XKR4: variants seen among roughly 807,000 people sequenced by gnomAD.
XKR4 encodes the protein XK related 4.
In XKR4, 12 loss-of-function variants were observed where a neutral mutation model predicts 53.9. That is an observed-to-expected ratio of 0.22 (90% confidence interval 0.14 to 0.36). The LOEUF (loss-of-function observed/expected upper bound fraction) is 0.36. Ranked by LOEUF, XKR4 falls within the 10% of genes least tolerant of loss-of-function variation. The probability of loss-of-function intolerance (pLI) is 1.00; values close to 1 mark genes in which losing one functional copy is unlikely to be tolerated. For missense variants in XKR4, 799 were observed against 859.5 expected (o/e 0.93, Z 0.88); for synonymous variants, 354 against 362.4 (o/e 0.98, Z 0.26).
intron 1 of XKR4, among the ~76,000 whole-genome samples, chr8:55,183,490 A>T (rs1420913746): frequency 6.6e-6 from 1 of 152,006 alleles, no homozygotes. Context: ...TTCCTCATTG[A>T]TCCATGGGTT....
chr8:55,119,917 C>T (rs1816368262), intron 1 of XKR4, among the ~76,000 whole-genome samples: 1 of 152,050 alleles, frequency 6.6e-6, no homozygotes, highest in Non-Finnish European at 1.5e-5. Flanking sequence ...GAGTTGGGAG[C>T]ATGTTAAATA....
chr8:55,125,596 G>A (rs1306385224), intron 1 of XKR4, among the ~76,000 whole-genome samples: 1 of 152,112 alleles, frequency 6.6e-6, no homozygotes, highest in Admixed American at 6.5e-5. Context: ...TACAAAATAA[G>A]TAAAGGAAAA....
intron 1 of XKR4, among the ~76,000 whole-genome samples, chr8:55,103,851 G>GTGTGTATATATA (rs1187141027): frequency 9.4e-6 from 1 of 106,012 alleles, no homozygotes; most frequent in African/African-American, 3.5e-5. Flanking sequence ...AAATGACTTT[G>GTGTGTATATATA]TATATATATA....
At chr8:55,507,415 TATGTATAC>T (rs1806553475) in intron 2 of XKR4, among the ~76,000 whole-genome samples, 1 of 152,180 alleles carries the variant, frequency 6.6e-6, no homozygotes, top group East Asian at 1.9e-4. Context: ...GTTAGTTACA[TATGTATAC>T]ATGTGCCATG....
At chr8:55,218,630 C>A (rs996804831) in intron 1 of XKR4, among the ~76,000 whole-genome samples, 1 of 152,084 alleles carries the variant, frequency 6.6e-6, no homozygotes, top group Non-Finnish European at 1.5e-5. Flanking sequence ...TAAAATAGTT[C>A]CAATGTGTAT....
At chr8:55,471,500 G>A (rs1805881745) in intron 2 of XKR4, among the ~76,000 whole-genome samples, 2 of 152,186 alleles carry the variant, frequency 1.3e-5, no homozygotes, top group South Asian at 4.1e-4. Context: ...GCCCTCCCAG[G>A]GATTCTGGTG....
At chr8:55,477,435 A>G (rs531028722) in intron 2 of XKR4, among the ~76,000 whole-genome samples, 2 of 152,274 alleles carry the variant, frequency 1.3e-5, no homozygotes, top group African/African-American at 4.8e-5. Context: ...CCAAAAGTAG[A>G]TAAAACCACA....
intron 1 of XKR4, among the ~76,000 whole-genome samples, chr8:55,213,881 T>TA (rs1817764969): frequency 7.7e-5 from 10 of 129,904 alleles, no homozygotes; most frequent in Admixed American, 4.7e-4. Context: ...TTTTTTTTTT[T>TA]TTGAGACGAG....
At chr8:55,261,966 G>T (rs1818533450) in intron 1 of XKR4, among the ~76,000 whole-genome samples, 1 of 151,984 alleles carries the variant, frequency 6.6e-6, no homozygotes, top group Non-Finnish European at 1.5e-5. Flanking sequence ...AAGAGAGATG[G>T]TTATTAATCT....
intron 1 of XKR4, among the ~76,000 whole-genome samples, chr8:55,135,974 A>G (rs1214134453): frequency 6.6e-6 from 1 of 151,058 alleles, no homozygotes; most frequent in Non-Finnish European, 1.5e-5. Context: ...GCTCACTGCA[A>G]CCTCCGCCTC....
chr8:55,431,801 C>A (rs969213444), intron 2 of XKR4, among the ~76,000 whole-genome samples: 2 of 152,188 alleles, frequency 1.3e-5, no homozygotes, highest in African/African-American at 4.8e-5. Flanking sequence ...AGCTAACAAC[C>A]TATTCAAGAA....
At chr8:55,447,643 G>T (rs549134440) in intron 2 of XKR4, among the ~76,000 whole-genome samples, 21 of 152,334 alleles carry the variant, frequency 1.4e-4, no homozygotes, top group East Asian at 7.7e-4. Context: ...ATAATAGACA[G>T]CCCTGTAGTC....
chr8:55,204,970 C>G (rs1449484106), intron 1 of XKR4, among the ~76,000 whole-genome samples: 2 of 152,168 alleles, frequency 1.3e-5, no homozygotes, highest in Admixed American at 1.3e-4. Context: ...TGGTGCCTGG[C>G]TAGGCACTGA....
chr8:55,317,828 A>G (rs1302917004), intron 1 of XKR4, among the ~76,000 whole-genome samples: 1 of 152,258 alleles, frequency 6.6e-6, no homozygotes, highest in African/African-American at 2.4e-5. Flanking sequence ...TCCTCATGAC[A>G]TAGGAGGTCC....
chr8:55,426,022 C>T (rs1805007651), intron 2 of XKR4, among the ~76,000 whole-genome samples: 2 of 152,180 alleles, frequency 1.3e-5, no homozygotes, highest in Non-Finnish European at 2.9e-5. Flanking sequence ...CTTCCCTCCT[C>T]GTTCCTCACC....
At position 55,454,912 on chromosome 8, in the gene XKR4, G is replaced by A. The variant is rs377184814; in HGVS notation, c.1007-68369G>A. On this transcript the variant is annotated intron_variant, in intron 2 of 2. Transcript: ENST00000327381. ...TGCTCCCAGAAGGTCAAGCAGCACA[G>A]TAGTGGCGCCCGGAGTTGATGTCGG... 4.6e-3 allele frequency: 3,563 copies of A among 771,040 alleles called. 134 individuals are homozygous for A. In the South Asian group the frequency reaches 0.048, roughly 10 times the overall value. 47.8% of individuals were successfully genotyped at this position (771,040 alleles called of 1,614,324 possible). A position where few individuals can be genotyped will look rare whatever the true frequency, so the allele number is the denominator to read the frequency against.
chr8:55,151,219 T>G (rs1172448681), intron 1 of XKR4, among the ~76,000 whole-genome samples: 1 of 152,250 alleles, frequency 6.6e-6, no homozygotes, highest in African/African-American at 2.4e-5. Context: ...ACTATCTTGT[T>G]AAATCTAGAA....
At chr8:55,306,571 G>A (rs1212971263) in intron 1 of XKR4, among the ~76,000 whole-genome samples, 2 of 152,160 alleles carry the variant, frequency 1.3e-5, no homozygotes, top group African/African-American at 4.8e-5. Context: ...GAAATAAAGA[G>A]CTTGTGCAAG....
intron 2 of XKR4, among the ~76,000 whole-genome samples, chr8:55,421,090 G>A (rs1313200134): frequency 6.6e-6 from 1 of 152,150 alleles, no homozygotes; most frequent in Non-Finnish European, 1.5e-5. Context: ...CTTTTAGACA[G>A]AATTGAATTC....
Sources: gnomAD v4.1 joint callset for allele counts (sites outside exome capture counted in the v4.1 genomes callset) on GRCh38, gnomAD v4.1.1 for gene constraint, MANE v1.5 for transcripts, NCBI Gene and HGNC (gene_info 2026-07-23, HGNC 2026-07-21) for gene names.